FCGR2A: variants seen among roughly 807,000 people sequenced by gnomAD.
The protein encoded by FCGR2A is low affinity immunoglobulin gamma Fc region receptor II-a.
In FCGR2A, 18 loss-of-function variants were observed where a neutral mutation model predicts 29.3. The observed-to-expected ratio is 0.62, with a 90% CI of 0.43 to 0.91. FCGR2A has a LOEUF of 0.91. Ranked by LOEUF, FCGR2A falls within the 40% of genes least tolerant of loss-of-function variation. FCGR2A has a pLI of 0.00. For synonymous variants in FCGR2A, 126 were observed against 144.8 expected (o/e 0.87, Z 0.93); for missense variants, 287 against 393.0 (o/e 0.73, Z 2.28).
chr1:161,508,699 T>C (rs1675581405), intron 3 of FCGR2A, among the ~76,000 whole-genome samples: 1 of 152,208 alleles, frequency 6.6e-6, no homozygotes, highest in Admixed American at 6.5e-5. Flanking sequence ...TTCATCTTTA[T>C]TAAGTCTATT....
At chr1:161,515,684 T>G (rs1334925081) in intron 6 of FCGR2A, among the ~76,000 whole-genome samples, 1 of 152,078 alleles carries the variant, frequency 6.6e-6, no homozygotes, top group Non-Finnish European at 1.5e-5. Context: ...AAAATCTTAA[T>G]AGTCCTCTCC....
intron 2 of FCGR2A, 143 bp downstream of exon 2, chr1:161,506,150 G>C: frequency 8.0e-7 from 1 of 1,256,784 alleles, no homozygotes; most frequent in Non-Finnish European, 1.2e-6. Flanking sequence ...CCATTTTAGT[G>C]GGGTCTGGGA....
At chr1:161,514,344 T>G (rs384565) in intron 6 of FCGR2A, among the ~76,000 whole-genome samples, 3 of 146,068 alleles carry the variant, frequency 2.1e-5, no homozygotes, top group Non-Finnish European at 4.6e-5. Context: ...AAATTAATAC[T>G]TGTCTCTGAC....
intron 5 of FCGR2A, 67 bp downstream of exon 5, chr1:161,511,023 T>C (rs1226231669): frequency 5.0e-6 from 8 of 1,611,170 alleles, no homozygotes; most frequent in Admixed American, 1.7e-5. Flanking sequence ...ACCCCAGACA[T>C]TGCCAGAATC....
chr1:161,509,707 C>A, intron 3 of FCGR2A, 113 bp from the exon 4 acceptor site: 1 of 1,375,224 alleles, frequency 7.3e-7, no homozygotes, highest in Non-Finnish European at 1.0e-6. Flanking sequence ...GAAGCATCTT[C>A]ATTTCTGTCT....
chr1:161,521,097 G>A (rs946756064), downstream of FCGR2A, among the ~76,000 whole-genome samples: 3 of 148,432 alleles, frequency 2.0e-5, no homozygotes, highest in African/African-American at 5.0e-5. Context: ...TTGATCATTC[G>A]GTATAACCTG....
At chr1:161,515,638 A>C (rs549068478) in intron 6 of FCGR2A, among the ~76,000 whole-genome samples, 1 of 152,028 alleles carries the variant, frequency 6.6e-6, no homozygotes, top group Non-Finnish European at 1.5e-5. Context: ...CAAAAAGAAA[A>C]AAGGAGGAAT....
At chr1:161,522,608 T>C (rs1443581569), downstream of FCGR2A, among the ~76,000 whole-genome samples, 1 of 152,178 alleles carries the variant, frequency 6.6e-6, no homozygotes, top group Non-Finnish European at 1.5e-5. Context: ...GTCTTGACTC[T>C]GGCATCCAGG....
intron 2 of FCGR2A, 128 bp from the exon 3 acceptor site, chr1:161,506,206 C>T (rs1675377982): frequency 1.5e-6 from 2 of 1,373,324 alleles, no homozygotes; most frequent in African/African-American, 2.9e-5. Context: ...GAGGCCGCTG[C>T]AAGTACAGAT....
intron 6 of FCGR2A, among the ~76,000 whole-genome samples, chr1:161,515,167 G>A (rs1231881891): frequency 6.6e-6 from 1 of 152,254 alleles, no homozygotes; most frequent in Non-Finnish European, 1.5e-5. Flanking sequence ...AATTTTGATT[G>A]GTATGTAAAG....
intron 5 of FCGR2A, among the ~76,000 whole-genome samples, chr1:161,511,633 G>A (rs1173629853): frequency 6.6e-6 from 1 of 152,192 alleles, no homozygotes; most frequent in Admixed American, 6.5e-5. Flanking sequence ...GGGGAACTGG[G>A]GGTGGGAGGA....
rs1557832381 is a variant in FCGR2A, at chr1:161,510,830, C to G, written c.620-4C>G. 6.2e-7 allele frequency: 1 copy of G among 1,614,128 alleles called. No individual in the cohort carries two copies. Among genetic ancestry groups the G allele is most frequent in the Non-Finnish European group, 8.5e-7 (1 of 1,179,974 alleles). On this transcript the variant is annotated splice_region_variant and splice_polypyrimidine_tract_variant and intron_variant, in intron 4 of 6. Coordinates refer to ENST00000271450, the MANE Select transcript of FCGR2A (RefSeq NM_001136219.3). ...CATCCTGCCCTAATGTCTGTCTTCC[C>G]TAGTGCCCAGCATGGGCAGCTCTTC...
chr1:161,512,357 G>A (rs1487924903), intron 5 of FCGR2A, among the ~76,000 whole-genome samples: 1 of 147,344 alleles, frequency 6.8e-6, no homozygotes. Flanking sequence ...GGGGGGCTAG[G>A]GGCACTAGTG....
intron 3 of FCGR2A, among the ~76,000 whole-genome samples, chr1:161,509,493 A>G (rs779998034): frequency 1.3e-5 from 2 of 152,136 alleles, no homozygotes; most frequent in African/African-American, 2.4e-5. Context: ...GACCACAAAA[A>G]CTGACGGCTT....
intron 5 of FCGR2A, among the ~76,000 whole-genome samples, chr1:161,511,557 C>G (rs1421701755): frequency 6.6e-6 from 1 of 152,196 alleles, no homozygotes; most frequent in Non-Finnish European, 1.5e-5. Context: ...TCCTGGGCGT[C>G]CCCATGGGTG....
At chr1:161,508,801 G>A (rs1467958816) in intron 3 of FCGR2A, among the ~76,000 whole-genome samples, 1 of 152,158 alleles carries the variant, frequency 6.6e-6, no homozygotes, top group Non-Finnish European at 1.5e-5. Flanking sequence ...TGTTGGGAGT[G>A]AGGATGTTTG....
intron 3 of FCGR2A, among the ~76,000 whole-genome samples, chr1:161,508,652 T>A (rs548208139): frequency 6.6e-6 from 1 of 152,052 alleles, no homozygotes; most frequent in East Asian, 1.9e-4. Flanking sequence ...TAAGATCGAA[T>A]AAATTATATT....
rs72717038 is a variant in FCGR2A, at chr1:161,511,827, A to G, written c.742+871A>G. Among the ~76,000 whole-genome samples the G allele has an allele frequency of 8.4e-3, 1,281 of 152,298 alleles. 12 individuals carry two copies. The highest frequency in any genetic ancestry group is 0.018 in the African/African-American group (756 of 41,564). On this transcript the variant is annotated intron_variant, in intron 5 of 6. Transcript: ENST00000271450. ...AGACCCTCCCTGAGAAACCAGGTGAATACAGAGTTGTCTCAGGGATTCAGT... is the reference window on the plus strand; with the variant it reads ...AGACCCTCCCTGAGAAACCAGGTGAGTACAGAGTTGTCTCAGGGATTCAGT...
chr1:161,508,171 A>T (rs1305989731), intron 3 of FCGR2A, among the ~76,000 whole-genome samples: 1 of 152,096 alleles, frequency 6.6e-6, no homozygotes, highest in Non-Finnish European at 1.5e-5. Context: ...CATTGTACAA[A>T]GAAATGCAAC....
Sources: allele counts gnomAD v4.1 joint callset (sites outside exome capture counted in the v4.1 genomes callset), GRCh38; gene constraint gnomAD v4.1.1; transcripts MANE v1.5; gene names NCBI Gene and HGNC (gene_info 2026-07-23, HGNC 2026-07-21).